SYN3: variants seen among roughly 807,000 people sequenced by gnomAD.
SYN3 encodes the protein synapsin-3.
Under a neutral mutation model 65.8 loss-of-function variants are expected in SYN3, and 35 were observed. That is an observed-to-expected ratio of 0.53 (90% CI 0.41 to 0.70). The LOEUF is 0.70. SYN3 is among the 30% of genes least tolerant of loss of function. The probability of loss-of-function intolerance (pLI) is 0.00; values close to 1 mark genes in which losing one functional copy is unlikely to be tolerated. For missense variants in SYN3, 680 were observed against 749.0 expected, an observed-to-expected ratio of 0.91 and a Z score of 1.08; for synonymous variants, 270 against 292.9, an observed-to-expected ratio of 0.92 and a Z score of 0.80.
intron 9 of SYN3, among the ~76,000 whole-genome samples, chr22:32,535,186 C>G (rs1601586394): frequency 6.6e-6 from 1 of 152,192 alleles, no homozygotes; most frequent in African/African-American, 2.4e-5. Context: ...TCCAAGCAAG[C>G]CACCCTTCCT....
chr22:32,554,986 C>T (rs766481276), intron 7 of SYN3, among the ~76,000 whole-genome samples: 1 of 152,210 alleles, frequency 6.6e-6, no homozygotes, highest in Non-Finnish European at 1.5e-5. Context: ...ACTAAAAGAG[C>T]ACCTGGCTCA....
chr22:32,951,061 A>G (rs563327741), intron 3 of SYN3, among the ~76,000 whole-genome samples: 24 of 152,318 alleles, frequency 1.6e-4, no homozygotes, highest in African/African-American at 5.8e-4. Flanking sequence ...GATCTTCCTC[A>G]CTTCCTAAAT....
intron 6 of SYN3, among the ~76,000 whole-genome samples, chr22:32,863,303 G>A (rs2048598954): frequency 6.6e-6 from 1 of 152,216 alleles, no homozygotes; most frequent in African/African-American, 2.4e-5. Flanking sequence ...TAATATATCT[G>A]TACCTAATCA....
chr22:32,906,728 A>G (rs938981626), intron 4 of SYN3, among the ~76,000 whole-genome samples: 4 of 151,446 alleles, frequency 2.6e-5, no homozygotes, highest in African/African-American at 9.7e-5. Flanking sequence ...CCATTGTTCA[A>G]CTCCCACTAA....
At chr22:33,030,576 G>GAGAC (rs2053732068) in intron 1 of SYN3, among the ~76,000 whole-genome samples, 1 of 151,274 alleles carries the variant, frequency 6.6e-6, no homozygotes. Context: ...CTGAGAGATA[G>GAGAC]AGACAGAGAG....
intron 1 of SYN3, among the ~76,000 whole-genome samples, chr22:33,035,990 A>G (rs2053852812): frequency 6.6e-6 from 1 of 152,176 alleles, no homozygotes; most frequent in South Asian, 2.1e-4. Context: ...ACCCAGAGAC[A>G]TCCATAACTG....
chr22:32,755,916 T>C (rs2045275789), intron 6 of SYN3, among the ~76,000 whole-genome samples: 1 of 152,114 alleles, frequency 6.6e-6, no homozygotes, highest in Non-Finnish European at 1.5e-5. Flanking sequence ...TCCACGTCCT[T>C]TACAGGGACA....
chr22:32,624,189 T>G (rs1024456331), intron 6 of SYN3, among the ~76,000 whole-genome samples: 1 of 152,158 alleles, frequency 6.6e-6, no homozygotes, highest in Non-Finnish European at 1.5e-5. Context: ...GATTTGGTGG[T>G]CAGCATGAAG....
intron 1 of SYN3, among the ~76,000 whole-genome samples, chr22:33,032,810 C>T (rs910640723): frequency 1.3e-5 from 2 of 152,172 alleles, no homozygotes; most frequent in African/African-American, 2.4e-5. Context: ...AGCACCCCAA[C>T]ACCACCCGCC....
chr22:32,882,794 G>A (rs1038631631), intron 4 of SYN3, among the ~76,000 whole-genome samples: 5 of 151,786 alleles, frequency 3.3e-5, no homozygotes, highest in South Asian at 2.1e-4. Context: ...AACTATCTAT[G>A]TGTAAGATTA....
At chr22:32,740,589 T>TG (rs1441094899) in intron 6 of SYN3, among the ~76,000 whole-genome samples, 1 of 152,122 alleles carries the variant, frequency 6.6e-6, no homozygotes, top group African/African-American at 2.4e-5. Context: ...ATACCAGACT[T>TG]GGGGGCAGAA....
At chr22:32,967,364 T>C (rs1227385789) in intron 3 of SYN3, among the ~76,000 whole-genome samples, 1 of 152,186 alleles carries the variant, frequency 6.6e-6, no homozygotes, top group Non-Finnish European at 1.5e-5. Context: ...ATACTAAAGA[T>C]AGACATTGTA....
At chr22:32,982,474 A>G (rs2145662393) in intron 2 of SYN3, among the ~76,000 whole-genome samples, 1 of 152,216 alleles carries the variant, frequency 6.6e-6, no homozygotes, top group East Asian at 1.9e-4. Context: ...CATTTTAATT[A>G]TTTCTCAAAT....
intron 6 of SYN3, among the ~76,000 whole-genome samples, chr22:32,633,177 T>A (rs573899022): frequency 6.6e-6 from 1 of 152,248 alleles, no homozygotes; most frequent in Non-Finnish European, 1.5e-5. Flanking sequence ...ACCAGACTCA[T>A]AGTCATAACT....
intron 6 of SYN3, among the ~76,000 whole-genome samples, chr22:32,754,526 A>G (rs1157370862): frequency 6.6e-6 from 1 of 152,178 alleles, no homozygotes; most frequent in Non-Finnish European, 1.5e-5. Flanking sequence ...TGCCCAAGCA[A>G]CCAGACCATC....
At chr22:32,589,827 C>T (rs558933065) in intron 7 of SYN3, among the ~76,000 whole-genome samples, 2 of 152,264 alleles carry the variant, frequency 1.3e-5, no homozygotes, top group East Asian at 3.9e-4. Flanking sequence ...TTGGTTCATT[C>T]TTCCATACAT....
At chr22:32,516,466 C>T (rs780806118) in intron 13 of SYN3, among the ~76,000 whole-genome samples, 20 of 152,200 alleles carry the variant, frequency 1.3e-4, no homozygotes, top group Admixed American at 9.2e-4. Context: ...CAGGTTCAAG[C>T]GATTCTCCTG....
At chr22:33,043,000 T>A (rs544259289) in intron 1 of SYN3, among the ~76,000 whole-genome samples, 1 of 152,322 alleles carries the variant, frequency 6.6e-6, no homozygotes, top group South Asian at 2.1e-4. Context: ...TATACCCTTT[T>A]GTTATTAACC....
At chr22:32,984,161 C>CAAAAAAAAAAAAAAAAA (rs35678412) in intron 2 of SYN3, among the ~76,000 whole-genome samples, 10 of 93,002 alleles carry the variant, frequency 1.1e-4, no homozygotes, top group Non-Finnish European at 1.2e-4. Context: ...AAACTCCATC[C>CAAAAAAAAAAAAAAAAA]AAAAAAAAAA....
Sources: gnomAD v4.1 joint callset for allele counts (sites outside exome capture counted in the v4.1 genomes callset) on GRCh38, gnomAD v4.1.1 for gene constraint, MANE v1.5 for transcripts, NCBI Gene and HGNC (gene_info 2026-07-23, HGNC 2026-07-21) for gene names.